CDH7: variants seen among roughly 807,000 people sequenced by gnomAD.
CDH7 encodes cadherin 7.
A neutral mutation model predicts 71.8 loss-of-function variants in CDH7; 25 were observed. That is an observed-to-expected ratio of 0.35 (90% confidence interval 0.25 to 0.49). The LOEUF is 0.49. Ranked by LOEUF, CDH7 falls within the 20% of genes least tolerant of loss-of-function variation. The probability of loss-of-function intolerance (pLI) is 0.99; values close to 1 mark genes in which losing one functional copy is unlikely to be tolerated. For synonymous variants in CDH7, 381 were observed against 363.8 expected (o/e 1.05, Z -0.54); for missense variants, 862 against 974.6 (o/e 0.88, Z 1.54).
intron 9 of CDH7, 72 bp from the exon 10 acceptor site, chr18:65,859,636 G>A: frequency 1.2e-6 from 1 of 862,794 alleles, no homozygotes; most frequent in Non-Finnish European, 2.0e-6. Flanking sequence ...GTGTAAAATT[G>A]CTTTGTCCTG....
intron 7 of CDH7, among the ~76,000 whole-genome samples, chr18:65,856,172 T>A (rs1773042250): frequency 6.6e-6 from 1 of 152,152 alleles, no homozygotes; most frequent in South Asian, 2.1e-4. Flanking sequence ...ATCAAATGAC[T>A]GTAGACCCAG....
At chr18:65,782,132 T>C (rs1388497930) in intron 2 of CDH7, among the ~76,000 whole-genome samples, 1,938 of 88,374 alleles carry the variant, frequency 0.022, 257 homozygotes, top group African/African-American at 0.051. Flanking sequence ...CTTTCTTTCT[T>C]TCTTTCTTTC....
At chr18:65,782,707 C>T (rs1465878191) in intron 2 of CDH7, among the ~76,000 whole-genome samples, 1 of 152,088 alleles carries the variant, frequency 6.6e-6, no homozygotes, top group Non-Finnish European at 1.5e-5. Context: ...TTAACTGTGC[C>T]TTATGTGTGT....
At chr18:65,819,257 C>T (rs939191188) in intron 4 of CDH7, among the ~76,000 whole-genome samples, 15 of 152,142 alleles carry the variant, frequency 9.9e-5, no homozygotes, top group African/African-American at 3.1e-4. Flanking sequence ...ACCCACTCCT[C>T]GATTTGCATG....
At chr18:65,836,241 T>G (rs1271181748) in intron 6 of CDH7, among the ~76,000 whole-genome samples, 1 of 152,148 alleles carries the variant, frequency 6.6e-6, no homozygotes, top group Non-Finnish European at 1.5e-5. Context: ...CAGTATGAAA[T>G]TAATTAATGC....
At chr18:65,774,763 C>T (rs555017121) in intron 2 of CDH7, among the ~76,000 whole-genome samples, 95 of 152,136 alleles carry the variant, frequency 6.2e-4, no homozygotes, top group African/African-American at 2.1e-3. Context: ...GATGGTTATA[C>T]CCCCCTGATG....
chr18:65,858,800 A>G (rs183319589), intron 8 of CDH7, 125 bp from the exon 9 acceptor site: 18 of 852,836 alleles, frequency 2.1e-5, no homozygotes, highest in East Asian at 1.3e-4. Flanking sequence ...CGTATTTTCT[A>G]TAGCTCCTTT....
chr18:65,829,548 A>G (rs1276883756), intron 6 of CDH7, among the ~76,000 whole-genome samples: 2 of 151,818 alleles, frequency 1.3e-5, no homozygotes, highest in South Asian at 4.2e-4. Context: ...TCACTCAACA[A>G]TCTAGAGCAG....
At chr18:65,832,026 G>T (rs1023632188) in intron 6 of CDH7, among the ~76,000 whole-genome samples, 1 of 152,052 alleles carries the variant, frequency 6.6e-6, no homozygotes, top group Non-Finnish European at 1.5e-5. Flanking sequence ...ATTTGTTCTG[G>T]TGGTTCTGAA....
In CDH7 at chr18:65,881,032, C is replaced by T; in HGVS notation, c.*138C>T. On this transcript the variant is annotated 3_prime_UTR_variant, in exon 12 of 12. Transcript: ENST00000397968. ...GAGACAGATGGTTGTAAATATTTCT[C>T]CATTTTTAATTGTTTAGATTTCTGC... The T allele has an allele frequency of 1.1e-6, 1 of 872,468 alleles. No individual in the cohort carries two copies. The allele number at this position is 872,468 out of a possible 1,614,324, so 54.0% of individuals were successfully genotyped here.
Position 65,862,725 on chromosome 18 carries a change from T to C in CDH7, c.1672T>C (p.Tyr558His). The C allele has an allele frequency of 6.2e-7, 1 of 1,614,118 alleles. No individual in the cohort carries two copies. Among genetic ancestry groups the C allele is most frequent in the Non-Finnish European group, 8.5e-7 (1 of 1,179,960 alleles). Reference sequence around the variant, plus strand: ...CTTCCGGAGACAGGAACAATCAGTTTACTATCTGCCAATTTTCATTGTGGA... The same window carrying C: ...CTTCCGGAGACAGGAACAATCAGTTCACTATCTGCCAATTTTCATTGTGGA... ...NGFRRQEQSV[Y>H]YLPIFIVDSG... The change falls in exon 11 of 12, where the codon TAC (tyrosine) becomes CAC (histidine). Residue 558 changes from tyrosine to histidine, a missense_variant. Tyr to His is a moderately conservative substitution (Grantham distance 83, BLOSUM62 2). Transcript: ENST00000397968.
rs1304618678 is a variant in CDH7, at chr18:65,781,940, C to CTT, written c.210+18889_210+18890insTT. ...TCTCTCTTTCTCTCTCTCTCTCTCT[C>CTT]TCTCTTTCTCTCTTTCTCTCTTTCT... On this transcript the variant is annotated intron_variant, in intron 2 of 11. Transcript: ENST00000397968. Among the ~76,000 whole-genome samples the CTT allele has an allele frequency of 1.0e-4, 10 of 98,458 alleles. 2 individuals carry two copies. The highest frequency in any genetic ancestry group is 5.3e-4 in the African/African-American group (8 of 15,214). The allele number at this position is 98,458 out of a possible 152,430, so 64.6% of individuals were successfully genotyped here. A position where few individuals can be genotyped will look rare whatever the true frequency, so the allele number is the denominator to read the frequency against.
chr18:65,804,193 C>T (rs1482823104), intron 2 of CDH7, among the ~76,000 whole-genome samples: 1 of 152,040 alleles, frequency 6.6e-6, no homozygotes. Flanking sequence ...AAGGCAAAGA[C>T]ATCAAAAAGT....
At chr18:65,813,084 G>A (rs1249915381) in intron 3 of CDH7, among the ~76,000 whole-genome samples, 1 of 152,194 alleles carries the variant, frequency 6.6e-6, no homozygotes, top group Admixed American at 6.5e-5. Context: ...TGGAATCCCA[G>A]CACTTTGGGA....
chr18:65,821,697 T>C (rs1484367188), intron 4 of CDH7, among the ~76,000 whole-genome samples: 1 of 152,148 alleles, frequency 6.6e-6, no homozygotes, highest in East Asian at 1.9e-4. Context: ...TAAGTGGTTA[T>C]GCATTTTTAT....
intron 2 of CDH7, chr18:65,803,767 T>C (rs1202584763): frequency 6.6e-6 from 1 of 152,010 alleles, no homozygotes; most frequent in East Asian, 1.9e-4. Flanking sequence ...CTTGTAAAAT[T>C]TTAATAAAAT....
intron 2 of CDH7, among the ~76,000 whole-genome samples, chr18:65,778,253 C>A: frequency 8.1e-6 from 1 of 124,180 alleles, no homozygotes; most frequent in Non-Finnish European, 1.6e-5. Flanking sequence ...GCATGGGTGA[C>A]AGCATGAGAC....
intron 2 of CDH7, among the ~76,000 whole-genome samples, chr18:65,782,529 T>C (rs1910351223): frequency 6.6e-6 from 1 of 152,088 alleles, no homozygotes; most frequent in Admixed American, 6.6e-5. Context: ...AATTTTCTTT[T>C]GGATGGGTGA....
chr18:65,778,529 CTTTTTTTT>C (rs1156727313), intron 2 of CDH7, among the ~76,000 whole-genome samples: 2 of 84,340 alleles, frequency 2.4e-5, no homozygotes, highest in Admixed American at 1.3e-4. Context: ...GCGTCTCACT[CTTTTTTTT>C]TTTTTTTTTT....
Sources: allele counts gnomAD v4.1 joint callset (sites outside exome capture counted in the v4.1 genomes callset), GRCh38; gene constraint gnomAD v4.1.1; transcripts MANE v1.5; gene names NCBI Gene and HGNC (gene_info 2026-07-23, HGNC 2026-07-21).